CADPS2: variants seen among roughly 807,000 people sequenced by gnomAD.
CADPS2 encodes the protein calcium-dependent secretion activator 2.
Under a neutral mutation model 172.5 loss-of-function variants are expected in CADPS2, and 93 were observed. The ratio of observed to expected loss-of-function variants is 0.54; its 90% CI spans 0.46 to 0.64. The LOEUF (loss-of-function observed/expected upper bound fraction) is 0.64, where lower values mean the gene tolerates loss of function less well. Among genes scored for constraint, CADPS2 ranks in the 30% least tolerant of loss-of-function variants. The pLI is 0.00. For synonymous variants in CADPS2, 546 were observed against 555.2 expected (o/e 0.98, Z 0.23); for missense variants, 1,420 against 1,565.9 (o/e 0.91, Z 1.57).
At chr7:122,588,563 G>A (rs1000773857) in intron 6 of CADPS2, among the ~76,000 whole-genome samples, 4 of 151,884 alleles carry the variant, frequency 2.6e-5, no homozygotes, top group Admixed American at 6.6e-5. Flanking sequence ...AGATTAAAAT[G>A]ATATAACAGA....
At chr7:122,650,012 A>C (rs1274625915) in intron 3 of CADPS2, among the ~76,000 whole-genome samples, 1 of 137,980 alleles carries the variant, frequency 7.2e-6, no homozygotes, top group African/African-American at 2.7e-5. Flanking sequence ...TGGGTTCAGC[A>C]ATTCTCCTGC....
At chr7:122,498,619 G>A (rs1024811068) in intron 9 of CADPS2, among the ~76,000 whole-genome samples, 1 of 151,868 alleles carries the variant, frequency 6.6e-6, no homozygotes, top group Non-Finnish European at 1.5e-5. Flanking sequence ...TTTCTCTTCA[G>A]ATGTGTCTAA....
At chr7:122,875,040 T>C (rs1447374642) in intron 1 of CADPS2, among the ~76,000 whole-genome samples, 1 of 152,206 alleles carries the variant, frequency 6.6e-6, no homozygotes, top group Non-Finnish European at 1.5e-5. Context: ...GTTTAAACCC[T>C]CTTATTAAAG....
At chr7:122,564,184 A>G (rs974715638) in intron 7 of CADPS2, among the ~76,000 whole-genome samples, 1 of 152,192 alleles carries the variant, frequency 6.6e-6, no homozygotes, top group African/African-American at 2.4e-5. Context: ...AACAATCACA[A>G]CATAATAATG....
intron 2 of CADPS2, among the ~76,000 whole-genome samples, chr7:122,666,602 A>G (rs2081217824): frequency 6.6e-6 from 1 of 152,096 alleles, no homozygotes; most frequent in South Asian, 2.1e-4. Flanking sequence ...TCAGCCTCCC[A>G]AAGTGCTGGG....
rs979151039 is a variant in CADPS2, at chr7:122,570,215, G to A, written c.1335+10964C>T. 7.2e-5 allele frequency among the ~76,000 whole-genome samples: 11 copies of A among 152,060 alleles called. 1 individual carries two copies. The highest frequency in any genetic ancestry group is 2.4e-4 in the African/African-American group (10 of 41,442). ...AAAACAAACAAGCCCATCAAAAAGT[G>A]GGCAAAGGAGATGAACAGACACTTC... On this transcript the variant is annotated intron_variant, in intron 7 of 29. Coordinates refer to ENST00000449022, the MANE Select transcript of CADPS2 (RefSeq NM_017954.11).
At chr7:122,770,943 C>CTTTA (rs970305418) in intron 1 of CADPS2, among the ~76,000 whole-genome samples, 4 of 152,176 alleles carry the variant, frequency 2.6e-5, no homozygotes, top group African/African-American at 7.2e-5. Context: ...CTCCATAAGG[C>CTTTA]TTTACTCAGG....
chr7:122,877,560 C>CA (rs201109477), intron 1 of CADPS2, among the ~76,000 whole-genome samples: 50 of 151,104 alleles, frequency 3.3e-4, no homozygotes, highest in Admixed American at 4.6e-4. Flanking sequence ...CAGTTAATTA[C>CA]AAAAAAAAGC....
chr7:122,641,137 A>G (rs1195903021), intron 3 of CADPS2, among the ~76,000 whole-genome samples: 1 of 152,022 alleles, frequency 6.6e-6, no homozygotes. Context: ...TTAACAATAG[A>G]TTACTTTGCT....
intron 14 of CADPS2, among the ~76,000 whole-genome samples, chr7:122,467,724 G>A (rs2055344974): frequency 6.6e-6 from 1 of 152,116 alleles, no homozygotes; most frequent in Non-Finnish European, 1.5e-5. Context: ...TTGTGTTGCT[G>A]CTTCAGTTTC....
chr7:122,580,480 T>C (rs1470735610), intron 7 of CADPS2, among the ~76,000 whole-genome samples: 1 of 148,574 alleles, frequency 6.7e-6, no homozygotes, highest in Non-Finnish European at 1.5e-5. Flanking sequence ...CATTAAAAAA[T>C]TCACATTACA....
rs1387161578 is a variant in CADPS2, at chr7:122,886,142, C to G, written c.196G>C (p.Glu66Gln). 4 of 1,551,596 alleles carry G rather than the reference C, an allele frequency of 2.6e-6. No individual in the cohort carries two copies. The highest frequency in any genetic ancestry group is 3.5e-6 in the Non-Finnish European group (4 of 1,148,390). The change falls in exon 1 of 30, where the codon GAG (glutamate) becomes CAG (glutamine). Residue 66 changes from glutamate (E) to glutamine (Q), a missense_variant. Physicochemically the swap from Glu to Gln is conservative, Grantham distance 29. Transcript: ENST00000449022. Reference protein sequence around the residue: ...SVSPSPSVLSEGRDEPQRQLD... With the variant: ...SVSPSPSVLSQGRDEPQRQLD... ...TGCCGCTGGGGCTCGTCTCGCCCCTCGCTGAGCACAGAGGGGCTCGGGCTC... is the reference window on the plus strand; with the variant it reads ...TGCCGCTGGGGCTCGTCTCGCCCCTGGCTGAGCACAGAGGGGCTCGGGCTC...
At chr7:122,810,005 G>A (rs1346743600) in intron 1 of CADPS2, among the ~76,000 whole-genome samples, 1 of 152,136 alleles carries the variant, frequency 6.6e-6, no homozygotes, top group Admixed American at 6.5e-5. Flanking sequence ...AACAGTTCAT[G>A]GTGTATTCTA....
chr7:122,369,057 A>G (rs7804733), intron 25 of CADPS2, among the ~76,000 whole-genome samples: 34,562 of 149,894 alleles, frequency 0.23, 4,254 homozygotes, highest in Non-Finnish European at 0.27. Context: ...CCTTGGTAAG[A>G]TTTAATGCTC....
chr7:122,393,713 A>C (rs1256336041), intron 20 of CADPS2, 131 bp from the exon 21 acceptor site: 1 of 845,070 alleles, frequency 1.2e-6, no homozygotes, highest in Non-Finnish European at 1.9e-6. Flanking sequence ...ATGAGAGTAG[A>C]TCATACCCCC....
chr7:122,746,468 G>T (rs1214243724), intron 1 of CADPS2, among the ~76,000 whole-genome samples: 4 of 152,160 alleles, frequency 2.6e-5, no homozygotes, highest in Admixed American at 6.6e-5. Flanking sequence ...AGAACTGGGA[G>T]CCTAACCTAG....
chr7:122,581,072 A>T (rs1384012915), intron 7 of CADPS2, 107 bp downstream of exon 7: 3 of 736,098 alleles, frequency 4.1e-6, no homozygotes, highest in Non-Finnish European at 7.0e-6. Flanking sequence ...TATTTTATGT[A>T]ATTTATGAAC....
At chr7:122,420,908 G>A (rs540153740) in intron 17 of CADPS2, 1 of 152,168 alleles carries the variant, frequency 6.6e-6, no homozygotes, top group Admixed American at 6.5e-5. Flanking sequence ...GATCCTACTG[G>A]GGAAGGGGAG....
intron 6 of CADPS2, among the ~76,000 whole-genome samples, chr7:122,590,699 A>T (rs1587649041): frequency 1.3e-5 from 2 of 151,890 alleles, no homozygotes; most frequent in South Asian, 4.1e-4. Flanking sequence ...TAACAGATTG[A>T]TTCATAAAAA....
Sources: allele counts gnomAD v4.1 joint callset (sites outside exome capture counted in the v4.1 genomes callset), GRCh38; gene constraint gnomAD v4.1.1; transcripts MANE v1.5; gene names NCBI Gene and HGNC (gene_info 2026-07-23, HGNC 2026-07-21).